The following RBKS variants were observed in gnomAD, a reference collection of about 807,000 sequenced individuals.
RBKS encodes ribokinase.
RBKS carries 33 observed loss-of-function variants against 33.9 expected under a neutral mutation model. That is an observed-to-expected ratio of 0.97 (90% CI 0.74 to 1.30). The LOEUF is 1.30. Among genes scored for constraint, RBKS ranks in the 50% most tolerant of loss-of-function variants. The pLI is 0.00. For synonymous variants in RBKS, 125 were observed against 143.0 expected, an observed-to-expected ratio of 0.87 and a Z score of 0.90; for missense variants, 361 against 392.6, an observed-to-expected ratio of 0.92 and a Z score of 0.68.
intron 2 of RBKS, among the ~76,000 whole-genome samples, chr2:27,852,265 G>A (rs1663764960): frequency 1.3e-5 from 2 of 152,166 alleles, no homozygotes; most frequent in Non-Finnish European, 2.9e-5. Flanking sequence ...ACAGACACTC[G>A]AAATACAGAC....
In RBKS at chr2:27,847,107, G is replaced by C; in HGVS notation, c.287-3C>G. Reference sequence around the variant, plus strand: ...ATCTTTAGTCTGATATGTAAATTCTGAAAGAAAAAAGAAAATTACAATCAC... The same window carrying C: ...ATCTTTAGTCTGATATGTAAATTCTCAAAGAAAAAAGAAAATTACAATCAC... On this transcript the variant is annotated splice_polypyrimidine_tract_variant and splice_region_variant and intron_variant, in intron 3 of 7. Coordinates refer to ENST00000302188, the MANE Select transcript of RBKS (RefSeq NM_022128.3). 6.3e-7 allele frequency: 1 copy of C among 1,579,270 alleles called. No homozygotes were observed. Among genetic ancestry groups the C allele is most frequent in the Non-Finnish European group, 8.7e-7 (1 of 1,150,270 alleles).
chr2:27,801,963 A>AAAAATAT (rs1308232858), intron 7 of RBKS, among the ~76,000 whole-genome samples: 2 of 47,618 alleles, frequency 4.2e-5, no homozygotes, highest in African/African-American at 8.1e-5. Context: ...AAAAAAAAAA[A>AAAAATAT]ATATATATAT....
At chr2:27,786,507 G>A (rs1367014392) in intron 7 of RBKS, among the ~76,000 whole-genome samples, 1 of 152,184 alleles carries the variant, frequency 6.6e-6, no homozygotes, top group Non-Finnish European at 1.5e-5. Flanking sequence ...ATATGGCTGG[G>A]CGCGGTGGCT....
intron 1 of RBKS, among the ~76,000 whole-genome samples, chr2:27,874,335 G>A (rs1664272512): frequency 6.6e-6 from 1 of 152,170 alleles, no homozygotes; most frequent in Non-Finnish European, 1.5e-5. Flanking sequence ...GTGAAGTTCT[G>A]GAGATATTCA....
intron 1 of RBKS, among the ~76,000 whole-genome samples, chr2:27,888,892 T>C (rs1320365655): frequency 6.6e-6 from 1 of 152,256 alleles, no homozygotes; most frequent in Non-Finnish European, 1.5e-5. Flanking sequence ...TAGAAAAAGA[T>C]GTACAGGCCT....
At chr2:27,866,785 G>A (rs1238765546) in intron 1 of RBKS, among the ~76,000 whole-genome samples, 11 of 151,886 alleles carry the variant, frequency 7.2e-5, no homozygotes, top group Non-Finnish European at 1.6e-4. Context: ...TTAAATCACT[G>A]AGCATATTTG....
At chr2:27,815,911 T>C (rs1426548770) in intron 7 of RBKS, among the ~76,000 whole-genome samples, 2 of 152,230 alleles carry the variant, frequency 1.3e-5, no homozygotes, top group African/African-American at 4.8e-5. Context: ...TCCTTTTCTG[T>C]ACTGTACATC....
At position 27,890,240 on chromosome 2, in the gene RBKS, A is replaced by G. The variant is rs1425685154; in HGVS notation, c.89+17T>C. 1 of 1,611,902 alleles carries G rather than the reference A, an allele frequency of 6.2e-7. No individual in the cohort carries two copies. The highest frequency in any genetic ancestry group is 8.5e-7 in the Non-Finnish European group (1 of 1,178,938). On this transcript the variant is annotated intron_variant, in intron 1 of 7. Transcript: ENST00000302188. The surrounding 1 kb of genome is among the most constrained non-coding windows in gnomAD (Gnocchi z 4.8). ...CCTCCCCCGAGCCGCAGACTGAGTAACTGGCCCCGGACTAACCTGACCAGG... is the reference window on the plus strand; with the variant it reads ...CCTCCCCCGAGCCGCAGACTGAGTAGCTGGCCCCGGACTAACCTGACCAGG...
In RBKS at chr2:27,831,420, G is replaced by A. The variant is rs147623270; in HGVS notation, c.606+1266C>T. ...TAGCAGGAAAATTTAGGCCAGTTTG[G>A]CAGTTGAGGGTACTCTAACCTCTTA... On this transcript the variant is annotated intron_variant, in intron 6 of 7. Coordinates refer to ENST00000302188, the MANE Select transcript of RBKS (RefSeq NM_022128.3). Among the ~76,000 whole-genome samples, 966 of 152,224 alleles carry A rather than the reference G, an allele frequency of 6.3e-3. 5 individuals are homozygous for A. The highest frequency in any genetic ancestry group is 7.9e-3 in the Non-Finnish European group (540 of 68,024).
rs747881705 is a variant in RBKS at position 27,848,075 on chromosome 2, T to C, written c.245A>G (p.Asn82Ser). 2.2e-5 allele frequency: 33 copies of C among 1,508,666 alleles called. No individual in the cohort carries two copies. The highest frequency in any genetic ancestry group is 3.0e-5 in the Non-Finnish European group (33 of 1,092,914). The allele number at this position is 1,508,666 out of a possible 1,614,324, so 93.5% of individuals were successfully genotyped here. Residue 82 changes from asparagine to serine, a missense_variant, in exon 3 of 8, where the codon AAT becomes AGT. Physicochemically the swap from Asn to Ser is conservative, Grantham distance 46. Transcript: ENST00000302188. ...VCKVGKDSFGNDYIENLKQND... is the reference protein window; with the variant it reads ...VCKVGKDSFGSDYIENLKQND... ...CTGTTTTAAGTTTTCTATATAATCA[T>C]TGCCAAAAGAATCTTTGCCAACCTG...
intron 1 of RBKS, among the ~76,000 whole-genome samples, chr2:27,887,572 A>G (rs746392931): frequency 9.8e-5 from 15 of 152,340 alleles, no homozygotes; most frequent in Middle Eastern, 3.4e-3. Context: ...CTTCAGTGTC[A>G]TAAGTAACGA....
rs965917297 is a variant in RBKS, at chr2:27,794,730, T to C, written c.796-12942A>G. ...CCTCTGCCTCCCGGGTTCAAGCAAT[T>C]CTCCTGCCTCAGCCTCCCAAGTAGC... On this transcript the variant is annotated intron_variant, in intron 7 of 7. Transcript: ENST00000302188. Among the ~76,000 whole-genome samples, 20 of 151,574 alleles carry C rather than the reference T, an allele frequency of 1.3e-4. 1 individual carries two copies. Among genetic ancestry groups the C allele is most frequent in the African/African-American group, 4.1e-4 (17 of 41,304 alleles).
At chr2:27,848,308 A>G (rs1663664931) in intron 2 of RBKS, among the ~76,000 whole-genome samples, 3 of 152,228 alleles carry the variant, frequency 2.0e-5, no homozygotes, top group African/African-American at 7.2e-5. Flanking sequence ...TTAAAATGTG[A>G]AGTATTTAAT....
At chr2:27,842,972 A>T in intron 5 of RBKS, 95 bp downstream of exon 5, 1 of 881,296 alleles carries the variant, frequency 1.1e-6, no homozygotes, top group South Asian at 2.6e-5. Context: ...ATTTTACGAC[A>T]GAAAGAGTAT....
chr2:27,816,304 G>A (rs139320897), intron 7 of RBKS, among the ~76,000 whole-genome samples: 1 of 152,266 alleles, frequency 6.6e-6, no homozygotes, highest in African/African-American at 2.4e-5. Flanking sequence ...AGCTAATATG[G>A]CCCCCTGGGC....
At chr2:27,785,259 A>T (rs1677374976) in intron 7 of RBKS, among the ~76,000 whole-genome samples, 1 of 152,216 alleles carries the variant, frequency 6.6e-6, no homozygotes, top group Admixed American at 6.5e-5. Flanking sequence ...GTCCAAAGAT[A>T]CTATAAATAA....
chr2:27,794,686 C>T (rs1677610686), intron 7 of RBKS, among the ~76,000 whole-genome samples: 2 of 150,320 alleles, frequency 1.3e-5, no homozygotes, highest in Middle Eastern at 3.4e-3. Flanking sequence ...TGCAATAGCA[C>T]GATCTCGGCT....
chr2:27,852,953 A>G (rs1663780844), intron 2 of RBKS, among the ~76,000 whole-genome samples: 1 of 152,196 alleles, frequency 6.6e-6, no homozygotes, highest in East Asian at 1.9e-4. Flanking sequence ...AATCCTTCAT[A>G]TTAACTTTTA....
intron 7 of RBKS, among the ~76,000 whole-genome samples, chr2:27,825,384 T>C (rs575968799): frequency 2.6e-5 from 4 of 152,346 alleles, no homozygotes; most frequent in Non-Finnish European, 5.9e-5. Flanking sequence ...TCATACTTTT[T>C]CCCCTTAGGT....
Sources: gnomAD v4.1 joint callset for allele counts (sites outside exome capture counted in the v4.1 genomes callset) on GRCh38, gnomAD v4.1.1 for gene constraint, Gnocchi (gnomAD v3.1) non-coding constraint, MANE v1.5 for transcripts, NCBI Gene and HGNC (gene_info 2026-07-23, HGNC 2026-07-21) for gene names.